The following NBAS variants were observed in gnomAD, a reference collection of about 807,000 sequenced individuals.
NBAS encodes NAG/BC035112 fusion.
In NBAS, 219 loss-of-function variants were observed where a neutral mutation model predicts 302.5. The observed-to-expected ratio is 0.72, with a 90% CI of 0.65 to 0.81. NBAS has a LOEUF of 0.81. NBAS is among the 30% of genes least tolerant of loss of function. NBAS has a pLI of 0.00. For missense variants in NBAS, 2,932 were observed against 2,841.6 expected (o/e 1.03, Z -0.72); for synonymous variants, 1,118 against 1,021.6 (o/e 1.09, Z -1.80).
At chr2:14,904,760 T>C in the NBAS span, among the ~76,000 whole-genome samples, 2 of 152,110 alleles carry the variant, frequency 1.3e-5, no homozygotes, top group Non-Finnish European at 2.9e-5. Flanking sequence ...ATCCTAAAAG[T>C]AACTCTAGGC....
the NBAS span, among the ~76,000 whole-genome samples, chr2:15,129,649 C>A: frequency 6.6e-5 from 10 of 152,196 alleles, no homozygotes; most frequent in Non-Finnish European, 1.5e-5. Flanking sequence ...TTCTAAAATG[C>A]CCTTCCTGCC....
chr2:15,031,355 T>G, the NBAS span, among the ~76,000 whole-genome samples: 8 of 152,208 alleles, frequency 5.3e-5, no homozygotes, highest in Non-Finnish European at 1.2e-4. Flanking sequence ...AATCTCAACA[T>G]GTCCACAGTC....
intron 38 of NBAS, among the ~76,000 whole-genome samples, chr2:15,314,974 A>G (rs1452096598): frequency 6.6e-6 from 1 of 152,210 alleles, no homozygotes; most frequent in Non-Finnish European, 1.5e-5. Context: ...TACAGTGGGG[A>G]AAAATCAGAG....
intron 26 of NBAS, among the ~76,000 whole-genome samples, chr2:15,400,581 G>GA (rs1271528385): frequency 6.6e-6 from 1 of 152,116 alleles, no homozygotes; most frequent in Middle Eastern, 3.2e-3. Context: ...CAAAGACAAG[G>GA]AAAAACCTAC....
chr2:15,510,773 C>A (rs1401214502), intron 10 of NBAS, among the ~76,000 whole-genome samples: 3 of 152,106 alleles, frequency 2.0e-5, no homozygotes, highest in African/African-American at 7.2e-5. Flanking sequence ...GCTGGATGAT[C>A]AGGGCAACTT....
At chr2:15,391,691 A>G (rs984821694) in intron 28 of NBAS, among the ~76,000 whole-genome samples, 1 of 152,094 alleles carries the variant, frequency 6.6e-6, no homozygotes, top group African/African-American at 2.4e-5. Context: ...CCAAGATCCA[A>G]GATGCTTTAT....
chr2:14,786,840 G>A, the NBAS span, among the ~76,000 whole-genome samples: 1,824 of 152,196 alleles, frequency 0.012, 13 homozygotes, highest in Non-Finnish European at 0.019. Context: ...TATTAGGTCC[G>A]CTTGGTGCAG....
chr2:15,529,735 T>C (rs962026654), intron 9 of NBAS, among the ~76,000 whole-genome samples: 11 of 152,060 alleles, frequency 7.2e-5, no homozygotes, highest in African/African-American at 2.7e-4. Context: ...ACAAAGTCTA[T>C]CCCATTTCTA....
intron 25 of NBAS, among the ~76,000 whole-genome samples, chr2:15,408,532 T>A (rs1189340933): frequency 2.0e-5 from 3 of 152,250 alleles, no homozygotes; most frequent in African/African-American, 7.2e-5. Context: ...CTTCATGAAG[T>A]ACATCCTTGA....
chr2:15,245,657 G>GGACA (rs1558470631), intron 44 of NBAS, among the ~76,000 whole-genome samples: 1 of 152,030 alleles, frequency 6.6e-6, no homozygotes, highest in Non-Finnish European at 1.5e-5. Flanking sequence ...ACGGACGGAC[G>GGACA]GACGGATGGA....
intron 48 of NBAS, among the ~76,000 whole-genome samples, chr2:15,197,192 T>C (rs184116924): frequency 6.6e-6 from 1 of 152,334 alleles, no homozygotes; most frequent in East Asian, 1.9e-4. Context: ...ATGCTATGTA[T>C]AAGAGCCGTC....
intron 9 of NBAS, among the ~76,000 whole-genome samples, chr2:15,523,466 TGA>T: frequency 4.1e-5 from 1 of 24,114 alleles, no homozygotes; most frequent in Non-Finnish European, 1.4e-4. Context: ...AATCTAGAGA[TGA>T]TGTGAAATAC....
chr2:15,350,777 T>C (rs1673317158), intron 35 of NBAS, among the ~76,000 whole-genome samples: 1 of 152,048 alleles, frequency 6.6e-6, no homozygotes, highest in African/African-American at 2.4e-5. Context: ...ATCAGAAAAA[T>C]ATAAATCAAT....
chr2:15,211,971 T>C (rs1017813686), intron 48 of NBAS, among the ~76,000 whole-genome samples: 14 of 152,194 alleles, frequency 9.2e-5, no homozygotes, highest in Non-Finnish European at 1.9e-4. Context: ...CTGAAATTAG[T>C]GTCATTTGCC....
chr2:15,417,554 A>G lies in NBAS; in HGVS notation c.2736T>C (p.Ile912=). The part of the protein sequence containing the change: ...TLKELQQMKD[I]EKLRLLMNSC... ...TATTCATCAGTAATCTTAGTTTTTC[A>G]ATGTCTTTCATCTGCTGGAGTTCTT... The change falls in exon 24 of 52, where the codon ATT becomes ATC. Residue 912 remains isoleucine (I), a synonymous_variant. Transcript: ENST00000281513. 1.2e-6 allele frequency: 2 copies of G among 1,613,794 alleles called. No homozygotes were observed. The highest frequency in any genetic ancestry group is 2.2e-5 in the South Asian group (2 of 91,040).
At chr2:14,942,730 A>G in the NBAS span, among the ~76,000 whole-genome samples, 2 of 152,244 alleles carry the variant, frequency 1.3e-5, no homozygotes. Context: ...GAAGCCAAGG[A>G]CCACAGAAAG....
At chr2:15,446,779 ATTATT>A (rs966628340) in intron 21 of NBAS, among the ~76,000 whole-genome samples, 7 of 152,126 alleles carry the variant, frequency 4.6e-5, no homozygotes, top group Non-Finnish European at 7.4e-5. Flanking sequence ...ATGGAAAAAC[ATTATT>A]TTAAGTTCTT....
the NBAS span, among the ~76,000 whole-genome samples, chr2:15,060,532 C>A: frequency 1.3e-5 from 2 of 152,094 alleles, no homozygotes; most frequent in African/African-American, 4.8e-5. Context: ...ACAAGCTAGG[C>A]GCACACAGGG....
chr2:15,146,437 C>T, the NBAS span, among the ~76,000 whole-genome samples: 492 of 152,148 alleles, frequency 3.2e-3, 6 homozygotes, highest in African/African-American at 0.011. Flanking sequence ...GGACTGCAGA[C>T]GGCTGATAAA....
Sources: gnomAD v4.1 joint callset for allele counts (sites outside exome capture counted in the v4.1 genomes callset) on GRCh38, gnomAD v4.1.1 for gene constraint, MANE v1.5 for transcripts, NCBI Gene and HGNC (gene_info 2026-07-23, HGNC 2026-07-21) for gene names.